The following GRIA4 variants were observed in gnomAD, a reference collection of about 807,000 sequenced individuals.
The protein encoded by GRIA4 is glutamate ionotropic receptor AMPA type subunit 4.
In GRIA4, 34 loss-of-function variants were observed where a neutral mutation model predicts 104.0. The ratio of observed to expected loss-of-function variants is 0.33; its 90% confidence interval spans 0.25 to 0.44. GRIA4 has a LOEUF of 0.44. Ranked by LOEUF, GRIA4 falls within the 20% of genes least tolerant of loss-of-function variation. The pLI is 1.00. For synonymous variants in GRIA4, 386 were observed against 381.9 expected, an observed-to-expected ratio of 1.01 and a Z score of -0.13; for missense variants, 750 against 1,096.5, an observed-to-expected ratio of 0.68 and a Z score of 4.46.
intron 4 of GRIA4, among the ~76,000 whole-genome samples, chr11:105,848,716 C>T (rs916353849): frequency 1.1e-4 from 17 of 152,100 alleles, no homozygotes; most frequent in African/African-American, 4.1e-4. Flanking sequence ...TGTGGGCAAG[C>T]TTTAGGGACA....
chr11:105,923,510 G>C (rs1947625312), intron 11 of GRIA4, among the ~76,000 whole-genome samples: 1 of 152,118 alleles, frequency 6.6e-6, no homozygotes, highest in African/African-American at 2.4e-5. Context: ...ATTTAGATCA[G>C]CATCAGATCA....
At chr11:105,971,828 A>T (rs974414863) in intron 14 of GRIA4, 86 bp from the exon 15 acceptor site, 1 of 844,092 alleles carries the variant, frequency 1.2e-6, no homozygotes, top group Non-Finnish European at 1.9e-6. Flanking sequence ...CTGCTCTGTC[A>T]CTTTGCCATG....
chr11:105,718,886 C>G (rs1037572046), intron 3 of GRIA4, among the ~76,000 whole-genome samples: 2 of 152,098 alleles, frequency 1.3e-5, no homozygotes, highest in African/African-American at 4.8e-5. Context: ...CTTGTCAATT[C>G]CAATCAGCTG....
intron 3 of GRIA4, among the ~76,000 whole-genome samples, chr11:105,711,494 G>T (rs1953909899): frequency 6.6e-6 from 1 of 152,044 alleles, no homozygotes; most frequent in Non-Finnish European, 1.5e-5. Context: ...GTCTGAGTTT[G>T]TTCAAATGTT....
chr11:105,732,821 A>C (rs1436361491), intron 3 of GRIA4, among the ~76,000 whole-genome samples: 1 of 152,218 alleles, frequency 6.6e-6, no homozygotes, highest in Non-Finnish European at 1.5e-5. Context: ...TCAGGCTCCA[A>C]GACTCATGAG....
chr11:105,950,222 T>G (rs997174732), intron 14 of GRIA4, among the ~76,000 whole-genome samples: 1 of 152,182 alleles, frequency 6.6e-6, no homozygotes, highest in Non-Finnish European at 1.5e-5. Context: ...AGAAAGCCAG[T>G]GGATCTGGTC....
chr11:105,905,351 A>T, intron 9 of GRIA4, 50 bp downstream of exon 9: 2 of 1,018,998 alleles, frequency 2.0e-6, no homozygotes, highest in Non-Finnish European at 3.1e-6. Flanking sequence ...CTTAGTTTGT[A>T]TGTAACATTT....
At chr11:105,793,289 T>C (rs1297750316) in intron 4 of GRIA4, among the ~76,000 whole-genome samples, 1 of 152,126 alleles carries the variant, frequency 6.6e-6, no homozygotes, top group African/African-American at 2.4e-5. Context: ...GTTTCAAAAC[T>C]GTGGACAGCG....
intron 14 of GRIA4, among the ~76,000 whole-genome samples, chr11:105,965,479 T>C (rs931992260): frequency 1.3e-5 from 2 of 151,764 alleles, no homozygotes; most frequent in Non-Finnish European, 2.9e-5. Context: ...GGAGTAATAA[T>C]TACTCTTTGT....
chr11:105,660,577 AAGG>A (rs1436148384), intron 3 of GRIA4, among the ~76,000 whole-genome samples: 3 of 151,678 alleles, frequency 2.0e-5, no homozygotes, highest in African/African-American at 7.2e-5. Flanking sequence ...TTCAGGAAAC[AAGG>A]AGAACAATAA....
At chr11:105,717,651 A>G (rs934034011) in intron 3 of GRIA4, among the ~76,000 whole-genome samples, 1 of 152,128 alleles carries the variant, frequency 6.6e-6, no homozygotes, top group Non-Finnish European at 1.5e-5. Context: ...AAGAAAAGAC[A>G]TAACATAGAG....
chr11:105,712,397 C>G (rs1953942022), intron 3 of GRIA4, among the ~76,000 whole-genome samples: 1 of 151,824 alleles, frequency 6.6e-6, no homozygotes, highest in Non-Finnish European at 1.5e-5. Flanking sequence ...GTGAAAGGAT[C>G]TATCTATATA....
intron 3 of GRIA4, among the ~76,000 whole-genome samples, chr11:105,630,455 T>C (rs1951005236): frequency 6.6e-6 from 1 of 152,028 alleles, no homozygotes; most frequent in Non-Finnish European, 1.5e-5. Context: ...TCCCAGCTAC[T>C]CTGGAGGCTG....
intron 4 of GRIA4, among the ~76,000 whole-genome samples, chr11:105,816,790 T>C (rs758501879): frequency 2.6e-5 from 4 of 152,002 alleles, no homozygotes; most frequent in Non-Finnish European, 5.9e-5. Context: ...AGCAGGAGAA[T>C]CACTTGAGGC....
chr11:105,786,555 T>G (rs1941974831), intron 4 of GRIA4, among the ~76,000 whole-genome samples: 1 of 152,196 alleles, frequency 6.6e-6, no homozygotes. Flanking sequence ...TATTATGTAC[T>G]ATGCTAGGTT....
At chr11:105,823,668 A>T (rs1943659115) in intron 4 of GRIA4, among the ~76,000 whole-genome samples, 1 of 152,112 alleles carries the variant, frequency 6.6e-6, no homozygotes, top group Non-Finnish European at 1.5e-5. Context: ...ATCTATGGAT[A>T]TTGCAATTGG....
chr11:105,892,239 A>T (rs1946482671), intron 6 of GRIA4, among the ~76,000 whole-genome samples: 1 of 152,168 alleles, frequency 6.6e-6, no homozygotes, highest in African/African-American at 2.4e-5. Flanking sequence ...CTACCAGTCA[A>T]ATAATTTAAA....
At chr11:105,833,037 T>C (rs1944036385) in intron 4 of GRIA4, among the ~76,000 whole-genome samples, 1 of 152,078 alleles carries the variant, frequency 6.6e-6, no homozygotes, top group African/African-American at 2.4e-5. Context: ...TTATCATTAC[T>C]GTTTCCTTCA....
At chr11:105,692,950 AAAAC>A (rs1953142036) in intron 3 of GRIA4, among the ~76,000 whole-genome samples, 1 of 152,222 alleles carries the variant, frequency 6.6e-6, no homozygotes, top group Non-Finnish European at 1.5e-5. Flanking sequence ...CAAAAAGAAA[AAAAC>A]ACACACGCTA....
Sources: allele counts gnomAD v4.1 joint callset (sites outside exome capture counted in the v4.1 genomes callset), GRCh38; gene constraint gnomAD v4.1.1; transcripts MANE v1.5; gene names NCBI Gene and HGNC (gene_info 2026-07-23, HGNC 2026-07-21).